The following COTL1 variants were observed in gnomAD, a reference collection of about 807,000 sequenced individuals.
COTL1 encodes coactosin like F-actin binding protein 1, also known as coactosin-like protein.
A neutral mutation model predicts 16.5 loss-of-function variants in COTL1; 15 were observed. That is an observed-to-expected ratio of 0.91 (90% CI 0.61 to 1.40). The LOEUF is 1.40. COTL1 is among the 40% of genes most tolerant of loss of function. The pLI, the probability that COTL1 is intolerant of heterozygous loss-of-function variation, is 0.00. For missense variants in COTL1, 220 were observed against 201.5 expected, an observed-to-expected ratio of 1.09 and a Z score of -0.56; for synonymous variants, 112 against 85.3, an observed-to-expected ratio of 1.31 and a Z score of -1.73.
At chr16:84,581,191 G>GTATGTATGTATGT (rs1555522430) in intron 3 of COTL1, among the ~76,000 whole-genome samples, 2 of 152,102 alleles carry the variant, frequency 1.3e-5, no homozygotes, top group Admixed American at 6.5e-5. Flanking sequence ...ATGTATGTAT[G>GTATGTATGTATGT]ACATGAGCAA....
intron 3 of COTL1, among the ~76,000 whole-genome samples, chr16:84,573,280 G>C (rs1412134041): frequency 1.3e-5 from 2 of 152,274 alleles, no homozygotes; most frequent in African/African-American, 4.8e-5. Flanking sequence ...TGATATGGCT[G>C]GGTGCGCTTT....
chr16:84,589,734 C>T (rs866377472), intron 3 of COTL1, among the ~76,000 whole-genome samples: 5 of 152,020 alleles, frequency 3.3e-5, no homozygotes, highest in Middle Eastern at 3.4e-3. Context: ...AATTCTCCCA[C>T]GGGATCCTTG....
chr16:84,617,873 GTACGCC>G lies in COTL1; in HGVS notation c.36_41del (p.Ala13_Tyr14del). On this transcript the variant is annotated inframe_deletion, in exon 1 of 4. Transcript: ENST00000262428. The stretch of plus-strand genomic sequence containing the variant: ...CCGAGCCGTCGTCGCGCACCAGGTT[GTACGCC>G]GCCCGGCAAGCCTCTTTGTCGATCT... 6.3e-7 allele frequency: 1 copy of G among 1,575,242 alleles called. No homozygotes were observed. The highest frequency in any genetic ancestry group is 8.6e-7 in the Non-Finnish European group (1 of 1,161,630).
At chr16:84,587,926 C>G (rs767602508) in intron 3 of COTL1, among the ~76,000 whole-genome samples, 37 of 152,044 alleles carry the variant, frequency 2.4e-4, no homozygotes, top group Non-Finnish European at 1.2e-4. Flanking sequence ...TGCCCACCAC[C>G]ACACCCGGCT....
intron 3 of COTL1, among the ~76,000 whole-genome samples, chr16:84,587,868 T>A (rs927233191): frequency 6.6e-6 from 1 of 152,198 alleles, no homozygotes; most frequent in Admixed American, 6.5e-5. Flanking sequence ...GCCTCCTGGT[T>A]TCAAGAGATT....
chr16:84,594,985 TC>T (rs1904961250), intron 2 of COTL1: 1 of 151,942 alleles, frequency 6.6e-6, no homozygotes, highest in African/African-American at 2.4e-5. Context: ...CATCCACCCT[TC>T]CCCTCTTTCA....
At chr16:84,583,299 C>G (rs1904643149) in intron 3 of COTL1, among the ~76,000 whole-genome samples, 1 of 152,128 alleles carries the variant, frequency 6.6e-6, no homozygotes, top group Non-Finnish European at 1.5e-5. Flanking sequence ...CACGGAAAGT[C>G]CTTCACAGAG....
At position 84,615,853 on chromosome 16, in the gene COTL1, T is replaced by TTGTGTGTGTGTGTG. The variant is rs112335989; in HGVS notation, c.160+1634_160+1647dup. Among the ~76,000 whole-genome samples the TTGTGTGTGTGTGTG allele has an allele frequency of 6.0e-3, 898 of 149,794 alleles. 4 individuals carry two copies. Among genetic ancestry groups the TTGTGTGTGTGTGTG allele is most frequent in the Non-Finnish European group, 9.1e-3 (616 of 67,584 alleles). ...CAGCGCTCAAGGAGTAATTTTAGTTTTGTGTGTGTGTGTGTGTGTGTGTGC... is the reference window on the plus strand; with the variant it reads ...CAGCGCTCAAGGAGTAATTTTAGTTTTGTGTGTGTGTGTGTGTGTGTGTGTGTGTGTGTGTGTGC... On this transcript the variant is annotated intron_variant, in intron 2 of 3. Transcript: ENST00000262428.
intron 3 of COTL1, among the ~76,000 whole-genome samples, chr16:84,586,030 A>C (rs1904723917): frequency 6.6e-6 from 1 of 152,166 alleles, no homozygotes; most frequent in South Asian, 2.1e-4. Flanking sequence ...ACGTGACCCA[A>C]GCTGGGCCAA....
rs1904295948 is a variant in COTL1, at chr16:84,565,865, AG to A, written c.*979del. On this transcript the variant is annotated 3_prime_UTR_variant, in exon 4 of 4. Coordinates refer to ENST00000262428, the MANE Select transcript of COTL1 (RefSeq NM_021149.5). ...GTGCTGTGAGCCCAGGGCTTTGCTC[AG>A]CTCACAGCTAGCGCGGCGGGCAGAG... 1 of 152,300 alleles carries A rather than the reference AG, an allele frequency of 6.6e-6. No homozygotes were observed. Among genetic ancestry groups the A allele is most frequent in the Non-Finnish European group, 1.5e-5 (1 of 68,062 alleles). 9.4% of individuals were successfully genotyped at this position (152,300 alleles called of 1,614,324 possible). A position where few individuals can be genotyped will look rare whatever the true frequency, so the allele number is the denominator to read the frequency against.
chr16:84,605,538 A>G (rs1905195503), intron 2 of COTL1, among the ~76,000 whole-genome samples: 1 of 152,144 alleles, frequency 6.6e-6, no homozygotes, highest in Non-Finnish European at 1.5e-5. Flanking sequence ...TCTGGGTGAC[A>G]CCCACGTGAT....
chr16:84,591,636 A>T (rs1904865897), intron 2 of COTL1, among the ~76,000 whole-genome samples: 1 of 2,690 alleles, frequency 3.7e-4, no homozygotes, highest in Admixed American at 9.1e-3. Context: ...CACCTCTCTA[A>T]AAAAAAAAAA....
In COTL1 at chr16:84,580,545, A is replaced by G. The variant is rs562235060; in HGVS notation, c.318+9560T>C. On this transcript the variant is annotated intron_variant, in intron 3 of 3. Transcript: ENST00000262428. ...TTAACCTCTTTAGTAAAAGATCAACAAAGCAGATGCATCGCTTTTGAGTTT... is the reference window on the plus strand; with the variant it reads ...TTAACCTCTTTAGTAAAAGATCAACGAAGCAGATGCATCGCTTTTGAGTTT... 5.9e-5 allele frequency among the ~76,000 whole-genome samples: 9 copies of G among 152,250 alleles called. No individual in the cohort carries two copies. In the Middle Eastern group the frequency reaches 0.01, roughly 173 times the overall value.
chr16:84,578,926 GATAC>G (rs1904514708), intron 3 of COTL1, among the ~76,000 whole-genome samples: 3 of 114,932 alleles, frequency 2.6e-5, no homozygotes, highest in South Asian at 2.2e-4. Context: ...CATACACACA[GATAC>G]ATGCATGCAC....
intron 2 of COTL1, among the ~76,000 whole-genome samples, chr16:84,606,563 G>A (rs1905214872): frequency 6.6e-6 from 1 of 152,250 alleles, no homozygotes; most frequent in African/African-American, 2.4e-5. Context: ...GCTAAATGCT[G>A]CAAGGAGATG....
intron 2 of COTL1, among the ~76,000 whole-genome samples, chr16:84,601,820 T>C (rs1905110528): frequency 6.6e-6 from 1 of 152,198 alleles, no homozygotes; most frequent in East Asian, 1.9e-4. Flanking sequence ...AGAGGGTTCT[T>C]GTTGACAATT....
intron 3 of COTL1, among the ~76,000 whole-genome samples, chr16:84,585,640 C>T (rs1429238282): frequency 8.5e-5 from 13 of 152,162 alleles, no homozygotes; most frequent in Admixed American, 8.5e-4. Flanking sequence ...TAGAGAACAT[C>T]CGCTCTGAAT....
intron 2 of COTL1, chr16:84,594,385 T>A (rs1904946078): frequency 6.6e-6 from 1 of 152,262 alleles, no homozygotes; most frequent in South Asian, 2.1e-4. Context: ...GTTCCTCACT[T>A]GTAAGGTGCA....
chr16:84,566,565 G>C lies in COTL1; in HGVS notation c.*280C>G. On this transcript the variant is annotated 3_prime_UTR_variant, in exon 4 of 4. Coordinates refer to ENST00000262428, the MANE Select transcript of COTL1 (RefSeq NM_021149.5). ...GCACCTCGGATCTGATGGCAGGCAG[G>C]ACCTTGCATCAAAATGACTTTTCTT... is the stretch of plus-strand genomic sequence containing the variant. 2.7e-6 allele frequency: 1 copy of C among 374,512 alleles called. No homozygotes were observed. Among genetic ancestry groups the C allele is most frequent in the Non-Finnish European group, 4.9e-6 (1 of 204,404 alleles). 23.2% of individuals were successfully genotyped at this position (374,512 alleles called of 1,614,324 possible). A position where few individuals can be genotyped will look rare whatever the true frequency, so the allele number is the denominator to read the frequency against.
Sources: gnomAD v4.1 joint callset for allele counts (sites outside exome capture counted in the v4.1 genomes callset) on GRCh38, gnomAD v4.1.1 for gene constraint, MANE v1.5 for transcripts, NCBI Gene and HGNC (gene_info 2026-07-23, HGNC 2026-07-21) for gene names.